PLAUR: variants seen among roughly 807,000 people sequenced by gnomAD.
PLAUR encodes the protein plasminogen activator, urokinase receptor, also known as urokinase plasminogen activator surface receptor.
Under a neutral mutation model 33.4 loss-of-function variants are expected in PLAUR, and 22 were observed. That is an observed-to-expected ratio of 0.66 (90% CI 0.47 to 0.94). The LOEUF (loss-of-function observed/expected upper bound fraction) is 0.94. PLAUR is among the 40% of genes least tolerant of loss of function. PLAUR has a pLI of 0.00. For synonymous variants in PLAUR, 148 were observed against 167.3 expected (o/e 0.88, Z 0.89); for missense variants, 408 against 434.7 (o/e 0.94, Z 0.55).
At chr19:43,664,488 A>T (rs958559300) in intron 3 of PLAUR, among the ~76,000 whole-genome samples, 2 of 152,180 alleles carry the variant, frequency 1.3e-5, no homozygotes, top group African/African-American at 4.8e-5. Flanking sequence ...GAAGCCATGA[A>T]ATTCGACAAA....
At chr19:43,646,621 C>T, downstream of PLAUR, 1 of 699,610 alleles carries the variant, frequency 1.4e-6, no homozygotes, top group South Asian at 1.5e-5. Context: ...AAAACTTCCA[C>T]CACATTCTAC....
intron 1 of PLAUR, chr19:43,668,138 C>G: frequency 1.0e-6 from 1 of 998,172 alleles, no homozygotes; most frequent in South Asian, 4.1e-5. Flanking sequence ...TACCGTCACT[C>G]CCAGTGCCCT....
intron 3 of PLAUR, among the ~76,000 whole-genome samples, chr19:43,664,840 A>G (rs948432505): frequency 6.6e-6 from 1 of 152,238 alleles, no homozygotes; most frequent in Non-Finnish European, 1.5e-5. Flanking sequence ...ATGGACAAAC[A>G]TCACTGAGAC....
chr19:43,649,829 AT>A (rs1422977944), intron 6 of PLAUR, among the ~76,000 whole-genome samples: 1 of 152,110 alleles, frequency 6.6e-6, no homozygotes, highest in Non-Finnish European at 1.5e-5. Flanking sequence ...GAGATCTGTG[AT>A]TTCACATGGC....
At chr19:43,658,096 TA>T (rs1974286431) in intron 3 of PLAUR, among the ~76,000 whole-genome samples, 1 of 152,006 alleles carries the variant, frequency 6.6e-6, no homozygotes, top group Non-Finnish European at 1.5e-5. Flanking sequence ...GTCAACTGGA[TA>T]TTATGGAAAT....
chr19:43,667,982 A>G, intron 1 of PLAUR: 1 of 1,250,912 alleles, frequency 8.0e-7, no homozygotes, highest in Non-Finnish European at 1.0e-6. Context: ...ATATCCTGAC[A>G]GTCGTATCCC....
chr19:43,651,707 A>G (rs1212478570), intron 6 of PLAUR: 1 of 667,280 alleles, frequency 1.5e-6, no homozygotes. Flanking sequence ...AGGTGTTGCA[A>G]TTACAGGCGT....
At chr19:43,661,976 C>T (rs572036946) in intron 3 of PLAUR, among the ~76,000 whole-genome samples, 221 of 152,206 alleles carry the variant, frequency 1.5e-3, no homozygotes, top group Non-Finnish European at 2.4e-3. Flanking sequence ...AAGCAGTCCT[C>T]CTGCCTTGGC....
chr19:43,656,062 G>A (rs999094916), intron 4 of PLAUR, among the ~76,000 whole-genome samples: 3 of 152,056 alleles, frequency 2.0e-5, no homozygotes, highest in Non-Finnish European at 4.4e-5. Context: ...AGACCAGCCT[G>A]ACCAACATGG....
chr19:43,653,219 C>A (rs1323542126), intron 5 of PLAUR, among the ~76,000 whole-genome samples: 3 of 152,164 alleles, frequency 2.0e-5, no homozygotes, highest in Non-Finnish European at 4.4e-5. Context: ...AAATTCAGTT[C>A]ACATTTCAAG....
At chr19:43,663,804 A>C (rs1210364521) in intron 3 of PLAUR, among the ~76,000 whole-genome samples, 1 of 151,118 alleles carries the variant, frequency 6.6e-6, no homozygotes, top group Non-Finnish European at 1.5e-5. Context: ...AAACAAAAAA[A>C]AAAAACAAAA....
At chr19:43,647,808 A>AAAAAGAAAAGAAAAGAAAAG (rs4251935), downstream of PLAUR, among the ~76,000 whole-genome samples, 1 of 151,966 alleles carries the variant, frequency 6.6e-6, no homozygotes, top group African/African-American at 2.4e-5. Flanking sequence ...TCCATCTCAA[A>AAAAAGAAAAGAAAAGAAAAG]AAAAGAAAAG....
intron 5 of PLAUR, among the ~76,000 whole-genome samples, chr19:43,654,806 G>T (rs1465731013): frequency 6.6e-6 from 1 of 152,094 alleles, no homozygotes; most frequent in African/African-American, 2.4e-5. Flanking sequence ...TGGAAGCAGG[G>T]AGACCAGAGA....
chr19:43,651,155 C>T (rs901262654), intron 6 of PLAUR, among the ~76,000 whole-genome samples: 33 of 151,490 alleles, frequency 2.2e-4, no homozygotes, highest in South Asian at 6.3e-4. Context: ...CTTGGCTCAC[C>T]GCAACCTCTG....
At position 43,670,109 on chromosome 19, in the gene PLAUR, C is replaced by T; in HGVS notation, c.12G>A (p.Pro4=). 1 of 1,610,772 alleles carries T rather than the reference C, an allele frequency of 6.2e-7. No individual in the cohort carries two copies. The highest frequency in any genetic ancestry group is 1.1e-5 in the South Asian group (1 of 91,028). The change falls in exon 1 of 7, where the codon CCG becomes CCA. Residue 4 remains proline, a synonymous_variant. Transcript: ENST00000340093. The part of the protein sequence containing the change: MGH[P]PLLPLLLLLH... Reference sequence around the variant, plus strand: ...GCAGCAGCAGCAGCGGCAGCAGCGGCGGGTGACCCATGTCGCGAGGGCAGC... The same window carrying T: ...GCAGCAGCAGCAGCGGCAGCAGCGGTGGGTGACCCATGTCGCGAGGGCAGC...
intron 1 of PLAUR, chr19:43,668,003 A>G (rs958459200): frequency 8.4e-6 from 10 of 1,192,338 alleles, no homozygotes; most frequent in Non-Finnish European, 1.1e-5. Context: ...CGCCCTCTCT[A>G]TCAGTACGTT....
chr19:43,666,441 C>T (rs4251824), intron 2 of PLAUR, among the ~76,000 whole-genome samples: 6,428 of 152,012 alleles, frequency 0.042, 183 homozygotes, highest in African/African-American at 0.07. Context: ...GACATAAAGT[C>T]GTTTCCATTT....
chr19:43,656,677 G>C, intron 3 of PLAUR, 37 bp from the exon 4 acceptor site: 1 of 1,536,576 alleles, frequency 6.5e-7, no homozygotes, highest in Non-Finnish European at 8.8e-7. Flanking sequence ...AGACTCCATG[G>C]GGACAGTCCT....
Position 43,648,674 on chromosome 19 carries a change from C to T in PLAUR, c.*216G>A. ...ACAGCGGCAACAATATTAATAATAA[C>T]AAGAGCTCTCCCATTGGCCCACGGC... On this transcript the variant is annotated 3_prime_UTR_variant, in exon 7 of 7. Transcript: ENST00000340093. The T allele has an allele frequency of 2.6e-6, 2 of 766,526 alleles. No individual in the cohort carries two copies. The highest frequency in any genetic ancestry group is 3.8e-6 in the Non-Finnish European group (2 of 524,860). The allele number at this position is 766,526 out of a possible 1,614,324, so 47.5% of individuals were successfully genotyped here.
Sources: allele counts gnomAD v4.1 joint callset (sites outside exome capture counted in the v4.1 genomes callset), GRCh38; gene constraint gnomAD v4.1.1; transcripts MANE v1.5; gene names NCBI Gene and HGNC (gene_info 2026-07-23, HGNC 2026-07-21).